Variants in TMEM123 observed in about 807,000 individuals in gnomAD.
TMEM123 encodes the protein transmembrane protein 123.
Under a neutral mutation model 19.7 loss-of-function variants are expected in TMEM123, and 16 were observed. The ratio of observed to expected loss-of-function variants is 0.81; its 90% CI spans 0.55 to 1.23. TMEM123 has a LOEUF of 1.23. TMEM123 is among the 50% of genes most tolerant of loss of function. TMEM123 has a pLI of 0.00. For synonymous variants in TMEM123, 118 were observed against 99.4 expected (o/e 1.19, Z -1.12); for missense variants, 313 against 257.8 (o/e 1.21, Z -1.47).
chr11:102,433,657 T>C (rs1251321085), intron 2 of TMEM123, among the ~76,000 whole-genome samples: 1 of 151,774 alleles, frequency 6.6e-6, no homozygotes, highest in Non-Finnish European at 1.5e-5. Context: ...GAGGGGCCAG[T>C]GGTAAAATTA....
chr11:102,442,406 A>G (rs1448207761), intron 2 of TMEM123, among the ~76,000 whole-genome samples: 1 of 152,244 alleles, frequency 6.6e-6, no homozygotes, highest in Non-Finnish European at 1.5e-5. Context: ...GCAAATCAAT[A>G]AACGTAATCC....
At chr11:102,424,395 T>A (rs1356892979) in intron 2 of TMEM123, among the ~76,000 whole-genome samples, 1 of 152,092 alleles carries the variant, frequency 6.6e-6, no homozygotes, top group Non-Finnish European at 1.5e-5. Context: ...GATTTGAAAA[T>A]AAACTCAGGG....
At chr11:102,410,008 A>C (rs1240392515) in intron 2 of TMEM123, among the ~76,000 whole-genome samples, 1 of 152,228 alleles carries the variant, frequency 6.6e-6, no homozygotes, top group Non-Finnish European at 1.5e-5. Context: ...TTAAACTCAA[A>C]AACTAAAATT....
At chr11:102,440,131 T>C (rs1857808729) in intron 2 of TMEM123, among the ~76,000 whole-genome samples, 1 of 152,176 alleles carries the variant, frequency 6.6e-6, no homozygotes, top group African/African-American at 2.4e-5. Context: ...CTCTTCAGGA[T>C]ATTATCCAGG....
chr11:102,416,976 T>A (rs760146059), intron 2 of TMEM123, among the ~76,000 whole-genome samples: 5 of 152,194 alleles, frequency 3.3e-5, no homozygotes, highest in Non-Finnish European at 7.3e-5. Context: ...AATCTAGGTA[T>A]TAAAGAAACA....
intron 2 of TMEM123, among the ~76,000 whole-genome samples, chr11:102,441,864 G>C (rs1051319800): frequency 7.2e-5 from 11 of 152,066 alleles, no homozygotes; most frequent in Non-Finnish European, 1.3e-4. Context: ...AATGATGAAG[G>C]GGATATCACC....
intron 2 of TMEM123, among the ~76,000 whole-genome samples, chr11:102,416,880 G>T (rs1039359523): frequency 1.3e-4 from 20 of 152,032 alleles, no homozygotes; most frequent in Admixed American, 1.2e-3. Flanking sequence ...CACATAATGT[G>T]AACTAAAAAA....
chr11:102,437,356 G>A (rs181281481), intron 2 of TMEM123, among the ~76,000 whole-genome samples: 10 of 152,062 alleles, frequency 6.6e-5, no homozygotes, highest in Admixed American at 5.2e-4. Context: ...CTACTTGGGA[G>A]GCTGAGGCAG....
At chr11:102,451,985 C>A (rs1193896138) in intron 1 of TMEM123, among the ~76,000 whole-genome samples, 1 of 152,220 alleles carries the variant, frequency 6.6e-6, no homozygotes, top group Non-Finnish European at 1.5e-5. Flanking sequence ...CAACTAGCTC[C>A]AAGAGCCCCG....
chr11:102,404,261 G>T (rs1351435047), intron 2 of TMEM123, among the ~76,000 whole-genome samples: 1 of 152,038 alleles, frequency 6.6e-6, no homozygotes, highest in Non-Finnish European at 1.5e-5. Context: ...CCTTATTCTT[G>T]AAAGACAGAC....
In TMEM123 at chr11:102,402,090, T is replaced by C. The variant is rs1263039458; in HGVS notation, c.274A>G (p.Thr92Ala). 1 of 1,614,194 alleles carries C rather than the reference T, an allele frequency of 6.2e-7. No individual in the cohort carries two copies. The highest frequency in any genetic ancestry group is 1.1e-5 in the South Asian group (1 of 91,082). ...SNTTVTTMKP[T>A]AASNTTTPGM... The stretch of plus-strand genomic sequence containing the variant: ...GGTGTTGTTGTATTAGATGCCGCTG[T>C]AGGTTTCATGGTGGTGACCGTTGTA... Residue 92 changes from threonine (T) to alanine (A), a missense_variant, in exon 3 of 5, where the codon ACA (threonine) becomes GCA (alanine). Physicochemically the swap from Thr to Ala is moderately conservative, Grantham distance 58. Transcript: ENST00000398136.
At chr11:102,450,361 A>C (rs1591569987) in intron 1 of TMEM123, among the ~76,000 whole-genome samples, 1 of 152,186 alleles carries the variant, frequency 6.6e-6, no homozygotes, top group South Asian at 2.1e-4. Flanking sequence ...GGTTTCTGTC[A>C]CTTGCCACTA....
At chr11:102,433,123 C>A (rs1218547748) in intron 2 of TMEM123, among the ~76,000 whole-genome samples, 5 of 151,950 alleles carry the variant, frequency 3.3e-5, no homozygotes. Context: ...TGGGGCACTG[C>A]CTAGTGGAGC....
intron 2 of TMEM123, among the ~76,000 whole-genome samples, chr11:102,410,652 C>A (rs900759106): frequency 6.6e-6 from 1 of 152,138 alleles, no homozygotes; most frequent in Non-Finnish European, 1.5e-5. Flanking sequence ...CTCTGCTATT[C>A]CTCCTTATCA....
intron 2 of TMEM123, among the ~76,000 whole-genome samples, chr11:102,403,716 T>C (rs942005940): frequency 6.6e-6 from 1 of 152,174 alleles, no homozygotes; most frequent in Non-Finnish European, 1.5e-5. Context: ...TAGTGGGAGT[T>C]GTCTGGATCA....
At chr11:102,432,029 A>G (rs750831617) in intron 2 of TMEM123, among the ~76,000 whole-genome samples, 9 of 152,170 alleles carry the variant, frequency 5.9e-5, no homozygotes, top group African/African-American at 2.2e-4. Context: ...TTTCTTTATA[A>G]ATTAATCCAT....
intron 2 of TMEM123, among the ~76,000 whole-genome samples, chr11:102,418,323 C>G: frequency 6.6e-6 from 1 of 151,962 alleles, no homozygotes; most frequent in East Asian, 1.9e-4. Context: ...CTATAAGAAA[C>G]TTAAATGAAC....
chr11:102,425,285 GAAC>G (rs1259350222), intron 2 of TMEM123, among the ~76,000 whole-genome samples: 9 of 152,094 alleles, frequency 5.9e-5, no homozygotes, highest in Admixed American at 4.6e-4. Flanking sequence ...GAAACACCTT[GAAC>G]AACAACGCTT....
intron 2 of TMEM123, among the ~76,000 whole-genome samples, chr11:102,414,929 A>G (rs150113479): frequency 6.6e-6 from 1 of 152,214 alleles, no homozygotes; most frequent in Non-Finnish European, 1.5e-5. Flanking sequence ...GCAAAACCTA[A>G]TCGTAAGCTA....
Sources: gnomAD v4.1 joint callset for allele counts (sites outside exome capture counted in the v4.1 genomes callset) on GRCh38, gnomAD v4.1.1 for gene constraint, MANE v1.5 for transcripts, NCBI Gene and HGNC (gene_info 2026-07-23, HGNC 2026-07-21) for gene names.